Variants in KALRN observed in about 807,000 individuals in gnomAD.
KALRN encodes kalirin.
Under a neutral mutation model 353.7 loss-of-function variants are expected in KALRN, and 70 were observed. The observed-to-expected ratio is 0.20, with a 90% CI of 0.16 to 0.24. The LOEUF is 0.24. Among genes scored for constraint, KALRN ranks in the 10% least tolerant of loss-of-function variants. The pLI is 1.00. For missense variants in KALRN, 2,791 were observed against 3,756.7 expected (o/e 0.74, Z 6.72); for synonymous variants, 1,391 against 1,434.8 (o/e 0.97, Z 0.69).
At chr3:124,079,270 G>T (rs928728139) in intron 1 of KALRN, among the ~76,000 whole-genome samples, 1 of 152,098 alleles carries the variant, frequency 6.6e-6, no homozygotes, top group African/African-American at 2.4e-5. Flanking sequence ...GAGAGAGGAG[G>T]CCACAGAAGA....
chr3:124,120,736 A>ATATATG (rs2063912292), intron 1 of KALRN, among the ~76,000 whole-genome samples: 1 of 144,392 alleles, frequency 6.9e-6, no homozygotes, highest in African/African-American at 2.6e-5. Flanking sequence ...ATATATATAT[A>ATATATG]TATATATATT....
intron 15 of KALRN, among the ~76,000 whole-genome samples, chr3:124,429,486 G>T (rs1260373909): frequency 1.3e-5 from 2 of 152,164 alleles, no homozygotes; most frequent in Non-Finnish European, 2.9e-5. Context: ...TACTGATCTT[G>T]AATTTTCAGA....
chr3:124,722,669 G>A lies in KALRN; in HGVS notation c.*3199G>A, dbSNP rs1482891188. ...AACCGTGCTTAGGGAAAAAGGATCA[G>A]GGGCCACTCTTGTTCCTGTTTTGGC... On this transcript the variant is annotated 3_prime_UTR_variant, in exon 60 of 60. Coordinates refer to ENST00000682506, the MANE Select transcript of KALRN (RefSeq NM_001388419.1). 1 of 152,166 alleles carries A rather than the reference G, an allele frequency of 6.6e-6. No individual in the cohort carries two copies. Among genetic ancestry groups the A allele is most frequent in the East Asian group, 1.9e-4 (1 of 5,194 alleles). The allele number at this position is 152,166 out of a possible 1,614,324, so 9.4% of individuals were successfully genotyped here. A position where few individuals can be genotyped will look rare whatever the true frequency, so the allele number is the denominator to read the frequency against.
At chr3:124,340,760 G>A (rs1464652926) in intron 9 of KALRN, among the ~76,000 whole-genome samples, 4 of 152,144 alleles carry the variant, frequency 2.6e-5, no homozygotes, top group Admixed American at 1.3e-4. Context: ...TTCAAGACCA[G>A]CCTGGCCAAC....
chr3:124,440,842 C>T (rs535802206), intron 18 of KALRN, among the ~76,000 whole-genome samples: 1 of 151,684 alleles, frequency 6.6e-6, no homozygotes, highest in Non-Finnish European at 1.5e-5. Context: ...TAGAGAAATA[C>T]AGAAAGTACT....
At chr3:124,578,968 A>G (rs879703493) in intron 34 of KALRN, among the ~76,000 whole-genome samples, 6 of 152,172 alleles carry the variant, frequency 3.9e-5, no homozygotes, top group Non-Finnish European at 2.9e-5. Flanking sequence ...AGGGTCTCCT[A>G]TGAATCTCTA....
At chr3:124,643,446 T>C (rs1222596513) in intron 37 of KALRN, among the ~76,000 whole-genome samples, 1 of 152,218 alleles carries the variant, frequency 6.6e-6, no homozygotes, top group Non-Finnish European at 1.5e-5. Context: ...TTAGATCTCA[T>C]GCTTTTTGTC....
At chr3:124,672,569 A>T (rs1240418334) in intron 48 of KALRN, among the ~76,000 whole-genome samples, 5 of 152,202 alleles carry the variant, frequency 3.3e-5, no homozygotes, top group Non-Finnish European at 4.4e-5. Flanking sequence ...AGGGAAGTCG[A>T]TCATCAGTGT....
At chr3:124,343,632 T>C (rs1356556577) in intron 9 of KALRN, among the ~76,000 whole-genome samples, 3 of 152,228 alleles carry the variant, frequency 2.0e-5, no homozygotes, top group Non-Finnish European at 4.4e-5. Flanking sequence ...ATGCAAGCCA[T>C]GCTGGTCTTT....
intron 21 of KALRN, among the ~76,000 whole-genome samples, chr3:124,450,134 A>G (rs1225508505): frequency 6.6e-6 from 1 of 152,138 alleles, no homozygotes; most frequent in African/African-American, 2.4e-5. Flanking sequence ...CTGTTTTTCA[A>G]AGTAGGTATA....
rs138705817 is a variant in KALRN at position 124,150,248 on chromosome 3, A to G, written c.74-77742A>G. ...AACTTTGATGCCCTAAAAGCTTCCA[A>G]TGAAAACTAAAAAGCCCCTTATGTG... On this transcript the variant is annotated intron_variant, in intron 1 of 59. Transcript: ENST00000682506. Among the ~76,000 whole-genome samples the G allele has an allele frequency of 7.6e-3, 1,152 of 152,358 alleles. 14 individuals carry two copies. Among genetic ancestry groups the G allele is most frequent in the African/African-American group, 0.024 (1,004 of 41,586 alleles).
intron 10 of KALRN, among the ~76,000 whole-genome samples, chr3:124,358,218 A>G (rs1302289824): frequency 6.6e-6 from 1 of 152,202 alleles, no homozygotes; most frequent in African/African-American, 2.4e-5. Flanking sequence ...ATGAAGCTAT[A>G]GGAAACCACT....
At chr3:124,570,719 T>G (rs1340222423) in intron 34 of KALRN, among the ~76,000 whole-genome samples, 1 of 152,226 alleles carries the variant, frequency 6.6e-6, no homozygotes, top group East Asian at 1.9e-4. Context: ...CTTGACATTT[T>G]TCAGAATCAT....
At chr3:124,590,464 A>T (rs2149353039) in intron 34 of KALRN, among the ~76,000 whole-genome samples, 1 of 152,320 alleles carries the variant, frequency 6.6e-6, no homozygotes, top group African/African-American at 2.4e-5. Context: ...CTTTAAAAAT[A>T]AAAATAAAAA....
At chr3:124,150,713 C>T (rs563219015) in intron 1 of KALRN, among the ~76,000 whole-genome samples, 18 of 152,268 alleles carry the variant, frequency 1.2e-4, no homozygotes, top group South Asian at 1.0e-3. Flanking sequence ...ATAAACTTTT[C>T]ACTGAAGTAT....
At chr3:124,450,332 T>C (rs1654736266) in intron 21 of KALRN, among the ~76,000 whole-genome samples, 1 of 152,156 alleles carries the variant, frequency 6.6e-6, no homozygotes, top group Non-Finnish European at 1.5e-5. Context: ...GGTAATTTCA[T>C]CTCTGAAAAT....
chr3:124,709,041 A>G (rs2062770410), intron 57 of KALRN, among the ~76,000 whole-genome samples: 1 of 152,154 alleles, frequency 6.6e-6, no homozygotes, highest in Admixed American at 6.5e-5. Context: ...AATATCCTCC[A>G]GGTGAAATGA....
chr3:124,495,980 T>TATATACAC (rs2063734460), intron 32 of KALRN, among the ~76,000 whole-genome samples: 1 of 35,028 alleles, frequency 2.9e-5, no homozygotes, highest in African/African-American at 1.5e-4. Context: ...TATATATATA[T>TATATACAC]ATATATATAT....
At chr3:124,517,274 C>G (rs1218247546) in intron 33 of KALRN, among the ~76,000 whole-genome samples, 1 of 152,164 alleles carries the variant, frequency 6.6e-6, no homozygotes, top group Non-Finnish European at 1.5e-5. Context: ...CCTTATATTC[C>G]TGGAAGCTCA....
Sources: allele counts gnomAD v4.1 joint callset (sites outside exome capture counted in the v4.1 genomes callset), GRCh38; gene constraint gnomAD v4.1.1; transcripts MANE v1.5; gene names NCBI Gene and HGNC (gene_info 2026-07-23, HGNC 2026-07-21).